The following GAS7 variants were observed in gnomAD, a reference collection of about 807,000 sequenced individuals.
GAS7 encodes the protein growth arrest-specific protein 7.
A neutral mutation model predicts 71.1 loss-of-function variants in GAS7; 28 were observed. The ratio of observed to expected loss-of-function variants is 0.39; its 90% CI spans 0.29 to 0.54. The LOEUF is 0.54. Ranked by LOEUF, GAS7 falls within the 20% of genes least tolerant of loss-of-function variation. GAS7 has a pLI of 0.62. For missense variants in GAS7, 436 were observed against 627.8 expected (o/e 0.69, Z 3.27); for synonymous variants, 258 against 245.8 (o/e 1.05, Z -0.46).
intron 9 of GAS7, chr17:9,927,074 AT>A: frequency 3.2e-6 from 1 of 310,204 alleles, no homozygotes; most frequent in East Asian, 5.8e-5. Context: ...CAGCTTTTAA[AT>A]TTTTAGAATT....
chr17:10,147,183 C>A (rs1190882856), intron 1 of GAS7, among the ~76,000 whole-genome samples: 1 of 152,098 alleles, frequency 6.6e-6, no homozygotes, highest in African/African-American at 2.4e-5. Flanking sequence ...CTGATCCATA[C>A]CTACTCAATT....
chr17:10,090,076 G>A (rs2073565674), intron 1 of GAS7, among the ~76,000 whole-genome samples: 1 of 152,140 alleles, frequency 6.6e-6, no homozygotes, highest in South Asian at 2.1e-4. Context: ...GGCTGAGACA[G>A]GAGAATGGCT....
chr17:10,078,742 G>A (rs2073423943), intron 1 of GAS7, among the ~76,000 whole-genome samples: 1 of 152,118 alleles, frequency 6.6e-6, no homozygotes, highest in Admixed American at 6.6e-5. Flanking sequence ...ATATACAACA[G>A]TATAAACATA....
intron 1 of GAS7, among the ~76,000 whole-genome samples, chr17:10,120,360 CTTTCCTCCTG>C (rs1324503252): frequency 1.3e-5 from 2 of 152,262 alleles, no homozygotes; most frequent in Non-Finnish European, 2.9e-5. Flanking sequence ...GGGCCACTGC[CTTTCCTCCTG>C]GTTCCTCTGC....
At position 9,983,054 on chromosome 17, in the gene GAS7, C is replaced by T. The variant is rs556674463; in HGVS notation, c.305-1170G>A. Among the ~76,000 whole-genome samples the T allele has an allele frequency of 4.0e-5, 6 of 151,772 alleles. No individual in the cohort carries two copies. The South Asian group carries it at 1.0e-3, about 26-fold the overall frequency. On this transcript the variant is annotated intron_variant, in intron 2 of 13. Transcript: ENST00000432992. ...GAAAACACACAAAAATAAATATCACCCATCATCCCACCATTCAGAGGTCAT... is the reference window on the plus strand; with the variant it reads ...GAAAACACACAAAAATAAATATCACTCATCATCCCACCATTCAGAGGTCAT...
chr17:9,950,390 T>C (rs970592628), intron 5 of GAS7, among the ~76,000 whole-genome samples: 2 of 152,042 alleles, frequency 1.3e-5, no homozygotes, highest in African/African-American at 4.8e-5. Context: ...CACACACTTG[T>C]AGTCCCAGCT....
At chr17:10,147,822 C>G (rs1442923457) in intron 1 of GAS7, among the ~76,000 whole-genome samples, 1 of 152,124 alleles carries the variant, frequency 6.6e-6, no homozygotes, top group Non-Finnish European at 1.5e-5. Context: ...GTACCTTTAT[C>G]TAGATTTTTT....
chr17:10,082,333 G>T lies in GAS7; in HGVS notation c.184-62436C>A, dbSNP rs1243995004. 7.9e-5 allele frequency among the ~76,000 whole-genome samples: 12 copies of T among 152,180 alleles called. 1 individual carries two copies. Among genetic ancestry groups the T allele is most frequent in the Admixed American group, 7.9e-4 (12 of 15,278 alleles). On this transcript the variant is annotated intron_variant, in intron 1 of 13. Transcript: ENST00000432992. Reference sequence around the variant, plus strand: ...CACAGGATTTTTAATGTCAAATAATGTGTTATTTCTGACTGACATGTGGCC... The same window carrying T: ...CACAGGATTTTTAATGTCAAATAATTTGTTATTTCTGACTGACATGTGGCC...
intron 1 of GAS7, among the ~76,000 whole-genome samples, chr17:10,137,844 T>C (rs1597813362): frequency 6.7e-6 from 1 of 150,208 alleles, no homozygotes; most frequent in South Asian, 2.1e-4. Context: ...CCAGACCACA[T>C]TGAAGTTTCT....
chr17:9,946,858 G>C (rs750148754), intron 6 of GAS7, 36 bp downstream of exon 6: 6 of 1,413,650 alleles, frequency 4.2e-6, no homozygotes, highest in Non-Finnish European at 1.0e-6. Flanking sequence ...CCGGTCACCG[G>C]GGTCACGCTG....
At chr17:10,083,038 A>G (rs1302303698) in intron 1 of GAS7, among the ~76,000 whole-genome samples, 4 of 152,220 alleles carry the variant, frequency 2.6e-5, no homozygotes, top group African/African-American at 4.8e-5. Flanking sequence ...CTTTCTGGGA[A>G]GATGTCTTAC....
intron 2 of GAS7, among the ~76,000 whole-genome samples, chr17:9,998,114 A>T (rs2071118764): frequency 6.6e-6 from 1 of 152,218 alleles, no homozygotes; most frequent in African/African-American, 2.4e-5. Context: ...CCTTCTAAGC[A>T]TGCCTTGGTC....
chr17:9,992,701 C>T (rs1159962490), intron 2 of GAS7, among the ~76,000 whole-genome samples: 6 of 151,022 alleles, frequency 4.0e-5, no homozygotes, highest in African/African-American at 1.5e-4. Flanking sequence ...TGCACTGCAC[C>T]CACCAACTCA....
At chr17:9,952,293 C>A (rs1434521649) in intron 5 of GAS7, among the ~76,000 whole-genome samples, 3 of 152,206 alleles carry the variant, frequency 2.0e-5, no homozygotes, top group Admixed American at 6.5e-5. Flanking sequence ...TGGGGGAGAC[C>A]TTGTGCCCAC....
intron 1 of GAS7, among the ~76,000 whole-genome samples, chr17:10,062,507 T>C (rs1024890273): frequency 1.3e-5 from 2 of 151,222 alleles, no homozygotes; most frequent in Non-Finnish European, 2.9e-5. Flanking sequence ...AAATAGAAAA[T>C]AAAATAAGTT....
chr17:10,105,891 T>C (rs2073751819), intron 1 of GAS7, among the ~76,000 whole-genome samples: 2 of 152,188 alleles, frequency 1.3e-5, no homozygotes, highest in African/African-American at 2.4e-5. Flanking sequence ...ATCTGCCCGA[T>C]GACTCTGCTC....
At chr17:10,173,071 C>T (rs1237038718) in intron 1 of GAS7, among the ~76,000 whole-genome samples, 1 of 152,172 alleles carries the variant, frequency 6.6e-6, no homozygotes, top group Non-Finnish European at 1.5e-5. Flanking sequence ...CGGAAATAAA[C>T]CAAATACGAA....
intron 2 of GAS7, among the ~76,000 whole-genome samples, chr17:9,999,044 A>G (rs1383963053): frequency 6.6e-6 from 1 of 152,160 alleles, no homozygotes; most frequent in Non-Finnish European, 1.5e-5. Context: ...TAATCTCTCC[A>G]TGGAAAATCA....
intron 1 of GAS7, among the ~76,000 whole-genome samples, chr17:10,110,420 G>A (rs1444402197): frequency 6.6e-6 from 1 of 151,968 alleles, no homozygotes; most frequent in Non-Finnish European, 1.5e-5. Flanking sequence ...GGGATGAAGA[G>A]AGTTTGGTTA....
Sources: gnomAD v4.1 joint callset for allele counts (sites outside exome capture counted in the v4.1 genomes callset) on GRCh38, gnomAD v4.1.1 for gene constraint, MANE v1.5 for transcripts, NCBI Gene and HGNC (gene_info 2026-07-23, HGNC 2026-07-21) for gene names.